Variants in LRRC7 observed in about 807,000 individuals in gnomAD.
LRRC7 encodes the protein leucine rich repeat containing 7.
LRRC7 carries 23 observed loss-of-function variants against 175.7 expected under a neutral mutation model. That is an observed-to-expected ratio of 0.13 (90% CI 0.09 to 0.19). The LOEUF (loss-of-function observed/expected upper bound fraction) is 0.19, where lower values mean the gene tolerates loss of function less well. Ranked by LOEUF, LRRC7 falls within the 10% of genes least tolerant of loss-of-function variation. The pLI is 1.00. For missense variants in LRRC7, 1,354 were observed against 1,904.7 expected, an observed-to-expected ratio of 0.71 and a Z score of 5.38; for synonymous variants, 685 against 680.9, an observed-to-expected ratio of 1.01 and a Z score of -0.09.
intron 1 of LRRC7, among the ~76,000 whole-genome samples, chr1:69,649,984 C>A (rs758797689): frequency 6.6e-6 from 1 of 151,920 alleles, no homozygotes. Flanking sequence ...GGCAAGCATG[C>A]GATAAGAGAT....
chr1:69,800,317 A>G (rs1412134482), intron 4 of LRRC7, among the ~76,000 whole-genome samples: 1 of 151,936 alleles, frequency 6.6e-6, no homozygotes, highest in African/African-American at 2.4e-5. Flanking sequence ...CATTGAGTCT[A>G]TAGATTGCTT....
chr1:69,671,974 T>TAAAA (rs1659145874), intron 1 of LRRC7, among the ~76,000 whole-genome samples: 1 of 152,208 alleles, frequency 6.6e-6, no homozygotes, highest in South Asian at 2.1e-4. Flanking sequence ...CTGTGAGTGT[T>TAAAA]CACCTGGTTT....
chr1:69,803,299 T>G (rs1311947433), intron 4 of LRRC7, among the ~76,000 whole-genome samples: 1 of 151,466 alleles, frequency 6.6e-6, no homozygotes, highest in Non-Finnish European at 1.5e-5. Context: ...CATAATCTAT[T>G]GGAATTTTAA....
At chr1:70,014,945 G>C (rs1034478355) in intron 13 of LRRC7, among the ~76,000 whole-genome samples, 2 of 151,948 alleles carry the variant, frequency 1.3e-5, no homozygotes, top group African/African-American at 4.8e-5. Context: ...CATGGATGTT[G>C]TTTACATGAT....
At chr1:69,809,215 C>T (rs1230981166) in intron 4 of LRRC7, among the ~76,000 whole-genome samples, 1 of 152,108 alleles carries the variant, frequency 6.6e-6, no homozygotes, top group Admixed American at 6.5e-5. Context: ...CCTCCCAAGT[C>T]TAAACCAGGA....
chr1:69,809,121 T>C (rs1466503047), intron 4 of LRRC7, among the ~76,000 whole-genome samples: 3 of 152,024 alleles, frequency 2.0e-5, no homozygotes, highest in Non-Finnish European at 2.9e-5. Flanking sequence ...AAATACAAAC[T>C]ACCATCAGAG....
intron 2 of LRRC7, among the ~76,000 whole-genome samples, chr1:69,731,493 T>A (rs2100819104): frequency 6.6e-6 from 1 of 152,326 alleles, no homozygotes; most frequent in Admixed American, 6.5e-5. Flanking sequence ...ACTATTGTTT[T>A]ACCAAAATGT....
intron 7 of LRRC7, among the ~76,000 whole-genome samples, chr1:69,893,806 C>T (rs996190488): frequency 7.5e-6 from 1 of 133,646 alleles, no homozygotes; most frequent in Non-Finnish European, 1.7e-5. Flanking sequence ...ATTTCTCATA[C>T]TTGAAAACCA....
chr1:69,889,557 A>G (rs12725755), intron 7 of LRRC7, among the ~76,000 whole-genome samples: 62,071 of 152,110 alleles, frequency 0.41, 13,537 homozygotes, highest in East Asian at 0.55. Flanking sequence ...CTGTAATCCC[A>G]GCACTATGGG....
intron 1 of LRRC7, among the ~76,000 whole-genome samples, chr1:69,618,142 C>T (rs983054827): frequency 2.6e-5 from 4 of 151,970 alleles, no homozygotes; most frequent in African/African-American, 7.2e-5. Context: ...TTTTTTCCCC[C>T]GCAGGAACTC....
chr1:70,048,987 T>C (rs1359460402), intron 22 of LRRC7, among the ~76,000 whole-genome samples: 2 of 152,132 alleles, frequency 1.3e-5, no homozygotes, highest in Non-Finnish European at 2.9e-5. Context: ...TGGTCTCTTC[T>C]ATAATGGATA....
chr1:70,077,044 A>T (rs1662833202), intron 24 of LRRC7, among the ~76,000 whole-genome samples: 1 of 152,192 alleles, frequency 6.6e-6, no homozygotes, highest in Non-Finnish European at 1.5e-5. Context: ...ATAGATAGGC[A>T]ACATTCCTAC....
At chr1:69,927,232 C>T (rs1163155180) in intron 7 of LRRC7, among the ~76,000 whole-genome samples, 2 of 152,174 alleles carry the variant, frequency 1.3e-5, no homozygotes, top group African/African-American at 4.8e-5. Flanking sequence ...TCTCTGGCTG[C>T]CCTTAACATT....
chr1:69,863,653 C>G (rs957073312), intron 7 of LRRC7, among the ~76,000 whole-genome samples: 1 of 152,190 alleles, frequency 6.6e-6, no homozygotes, highest in East Asian at 1.9e-4. Flanking sequence ...AACAGAATAA[C>G]TACATAAATA....
chr1:69,842,454 AACAT>A (rs1186892015), intron 7 of LRRC7, among the ~76,000 whole-genome samples: 1 of 152,174 alleles, frequency 6.6e-6, no homozygotes, highest in African/African-American at 2.4e-5. Context: ...AAGAAAAAGA[AACAT>A]AAATTAAGGT....
intron 22 of LRRC7, among the ~76,000 whole-genome samples, chr1:70,048,166 G>A (rs1660479692): frequency 6.6e-6 from 1 of 152,020 alleles, no homozygotes; most frequent in African/African-American, 2.4e-5. Context: ...TAAAATGCTA[G>A]TTCAAACCAG....
chr1:69,684,260 C>A (rs938101935), intron 2 of LRRC7, among the ~76,000 whole-genome samples: 1 of 151,878 alleles, frequency 6.6e-6, no homozygotes, highest in Non-Finnish European at 1.5e-5. Context: ...AGTAGGTGTT[C>A]AACAGATATT....
intron 22 of LRRC7, among the ~76,000 whole-genome samples, chr1:70,046,506 T>C (rs1191504362): frequency 6.6e-6 from 1 of 152,092 alleles, no homozygotes; most frequent in Non-Finnish European, 1.5e-5. Context: ...TTTTATTATC[T>C]GCACCAAAAA....
chr1:69,758,852 GT>G (rs1670724409), intron 2 of LRRC7, among the ~76,000 whole-genome samples: 1 of 151,954 alleles, frequency 6.6e-6, no homozygotes, highest in Admixed American at 6.6e-5. Flanking sequence ...ATGCTACATT[GT>G]TTTTATAAAT....
Sources: allele counts gnomAD v4.1 joint callset (sites outside exome capture counted in the v4.1 genomes callset), GRCh38; gene constraint gnomAD v4.1.1; transcripts MANE v1.5; gene names NCBI Gene and HGNC (gene_info 2026-07-23, HGNC 2026-07-21).